PKP4: variants seen among roughly 807,000 people sequenced by gnomAD.
PKP4 encodes the protein plakophilin-4.
In PKP4, 90 loss-of-function variants were observed where a neutral mutation model predicts 145.1. The ratio of observed to expected loss-of-function variants is 0.62; its 90% confidence interval spans 0.52 to 0.74. The LOEUF (loss-of-function observed/expected upper bound fraction) is 0.74, where lower values mean the gene tolerates loss of function less well. Among genes scored for constraint, PKP4 ranks in the 30% least tolerant of loss-of-function variants. The pLI, the probability that PKP4 is intolerant of heterozygous loss-of-function variation, is 0.00. For missense variants in PKP4, 1,340 were observed against 1,482.7 expected, an observed-to-expected ratio of 0.90 and a Z score of 1.58; for synonymous variants, 563 against 577.2, an observed-to-expected ratio of 0.98 and a Z score of 0.35.
At chr2:158,546,834 A>G (rs2045093716) in intron 2 of PKP4, among the ~76,000 whole-genome samples, 1 of 152,216 alleles carries the variant, frequency 6.6e-6, no homozygotes, top group South Asian at 2.1e-4. Context: ...GATTGGCTTC[A>G]CAGAGAGGCT....
intron 17 of PKP4, 62 bp downstream of exon 17, chr2:158,669,977 G>A (rs1220315514): frequency 6.1e-6 from 8 of 1,306,986 alleles, no homozygotes; most frequent in South Asian, 4.9e-5. Flanking sequence ...CTGTGATGAG[G>A]CCTTTGTTGA....
chr2:158,665,328 A>C (rs992414267), intron 15 of PKP4, among the ~76,000 whole-genome samples: 2 of 152,272 alleles, frequency 1.3e-5, no homozygotes, highest in East Asian at 3.9e-4. Flanking sequence ...TTTTCCCCCC[A>C]TAGATTTCAT....
At chr2:158,496,734 C>G (rs1695767232) in intron 1 of PKP4, among the ~76,000 whole-genome samples, 1 of 151,002 alleles carries the variant, frequency 6.6e-6, no homozygotes, top group Non-Finnish European at 1.5e-5. Flanking sequence ...CTCTTTCGCT[C>G]TCACTCTCTC....
intron 3 of PKP4, among the ~76,000 whole-genome samples, chr2:158,591,684 C>A (rs2049287810): frequency 1.3e-5 from 2 of 151,976 alleles, no homozygotes; most frequent in South Asian, 4.2e-4. Context: ...ATATTTCTTA[C>A]AATCTGAGTA....
intron 9 of PKP4, among the ~76,000 whole-genome samples, chr2:158,638,726 G>A (rs1269265662): frequency 1.3e-5 from 2 of 152,094 alleles, no homozygotes; most frequent in Non-Finnish European, 2.9e-5. Context: ...GAAAATGAAT[G>A]GATTTGGTAT....
intron 1 of PKP4, among the ~76,000 whole-genome samples, chr2:158,512,077 T>C (rs1003785655): frequency 2.0e-5 from 3 of 152,236 alleles, no homozygotes; most frequent in African/African-American, 7.2e-5. Context: ...GATGCAGCTA[T>C]GCTCTTGGGA....
chr2:158,602,275 G>A (rs1056434541), intron 3 of PKP4, among the ~76,000 whole-genome samples: 3 of 152,288 alleles, frequency 2.0e-5, no homozygotes, highest in East Asian at 1.9e-4. Context: ...CGAGTTACCA[G>A]CATGTGTTTC....
At chr2:158,561,613 C>G (rs544864879) in intron 2 of PKP4, among the ~76,000 whole-genome samples, 2 of 152,182 alleles carry the variant, frequency 1.3e-5, no homozygotes, top group South Asian at 2.1e-4. Context: ...TGAAGAGAAA[C>G]TTCATATCTA....
At chr2:158,644,667 T>TTGA (rs1247014163) in intron 11 of PKP4, among the ~76,000 whole-genome samples, 1 of 152,192 alleles carries the variant, frequency 6.6e-6, no homozygotes, top group African/African-American at 2.4e-5. Flanking sequence ...AATATGTAGA[T>TTGA]TGATGTGGAT....
intron 11 of PKP4, among the ~76,000 whole-genome samples, chr2:158,648,468 C>G (rs923617436): frequency 2.6e-5 from 4 of 152,164 alleles, no homozygotes; most frequent in Non-Finnish European, 5.9e-5. Context: ...AGTGGACATG[C>G]CTTTTGGACG....
chr2:158,605,921 A>G (rs1485643785), intron 4 of PKP4, among the ~76,000 whole-genome samples: 1 of 152,082 alleles, frequency 6.6e-6, no homozygotes, highest in African/African-American at 2.4e-5. Flanking sequence ...GGTTCCTTTC[A>G]CTTGGCATGA....
chr2:158,528,819 C>G (rs1240336042), intron 1 of PKP4, among the ~76,000 whole-genome samples: 1 of 152,100 alleles, frequency 6.6e-6, no homozygotes, highest in East Asian at 1.9e-4. Context: ...AGAAAACAAG[C>G]TAATGCTACA....
chr2:158,582,432 G>T (rs976500918), intron 3 of PKP4, among the ~76,000 whole-genome samples: 1 of 152,162 alleles, frequency 6.6e-6, no homozygotes, highest in African/African-American at 2.4e-5. Flanking sequence ...GCAAAAAGAA[G>T]ATAAAATTTA....
chr2:158,505,226 G>A (rs1327208100), intron 1 of PKP4, among the ~76,000 whole-genome samples: 5 of 152,178 alleles, frequency 3.3e-5, no homozygotes, highest in Admixed American at 2.6e-4. Flanking sequence ...TCTGCCATAG[G>A]CATGCTGAAT....
intron 9 of PKP4, among the ~76,000 whole-genome samples, chr2:158,636,162 T>C (rs2053792065): frequency 6.6e-6 from 1 of 152,138 alleles, no homozygotes; most frequent in Non-Finnish European, 1.5e-5. Context: ...CTCAACTCAT[T>C]TCCCTTTGGC....
At chr2:158,472,557 G>GAGC (rs1342591510) in intron 1 of PKP4, among the ~76,000 whole-genome samples, 1 of 140,026 alleles carries the variant, frequency 7.1e-6, no homozygotes, top group African/African-American at 2.7e-5. Flanking sequence ...AGCTTGCAGT[G>GAGC]AGCAGAGATC....
intron 1 of PKP4, among the ~76,000 whole-genome samples, chr2:158,500,790 A>G (rs913251262): frequency 6.6e-6 from 1 of 152,204 alleles, no homozygotes; most frequent in Non-Finnish European, 1.5e-5. Context: ...AACTCGTGAG[A>G]AAGTCCTCAT....
chr2:158,660,881 C>G (rs1255860819), intron 12 of PKP4: 1 of 154,160 alleles, frequency 6.5e-6, no homozygotes, highest in Non-Finnish European at 1.4e-5. Context: ...TCTGGCCTAA[C>G]AAGGGAGGTG....
intron 1 of PKP4, chr2:158,457,616 G>T (rs1549085): frequency 0.039 from 5,916 of 153,046 alleles, 173 homozygotes; most frequent in Non-Finnish European, 0.064. Context: ...GCCTGCCGCC[G>T]CGCGCCCCAA....
Sources: gnomAD v4.1 joint callset for allele counts (sites outside exome capture counted in the v4.1 genomes callset) on GRCh38, gnomAD v4.1.1 for gene constraint, MANE v1.5 for transcripts, NCBI Gene and HGNC (gene_info 2026-07-23, HGNC 2026-07-21) for gene names.